BBS4: variants seen among roughly 807,000 people sequenced by gnomAD.
BBS4 encodes the protein BBSome complex member BBS4.
BBS4 carries 58 observed loss-of-function variants against 71.4 expected under a neutral mutation model. The ratio of observed to expected loss-of-function variants is 0.81; its 90% CI spans 0.66 to 1.01. The LOEUF is 1.01. Ranked by LOEUF, BBS4 falls within the 50% of genes least tolerant of loss-of-function variation. The pLI is 0.00. For missense variants in BBS4, 660 were observed against 607.9 expected, an observed-to-expected ratio of 1.09 and a Z score of -0.90; for synonymous variants, 228 against 216.8, an observed-to-expected ratio of 1.05 and a Z score of -0.46.
intron 6 of BBS4, among the ~76,000 whole-genome samples, chr15:72,720,966 A>G (rs1361799185): frequency 6.6e-6 from 1 of 152,238 alleles, no homozygotes; most frequent in Non-Finnish European, 1.5e-5. Context: ...CCTTCAGGAC[A>G]TCTATTTACT....
Position 72,737,974 on chromosome 15 carries a change from A to C in BBS4, c.*387A>C, listed in dbSNP as rs2065960341. The stretch of plus-strand genomic sequence containing the variant: ...CAGCTGAGACAGACCTCTGCTGAGT[A>C]GCTCTGTGATGACAAAGCCTTGGTT... On this transcript the variant is annotated 3_prime_UTR_variant, in exon 16 of 16. Transcript: ENST00000268057. The C allele has an allele frequency of 2.2e-6, 1 of 454,618 alleles. No homozygotes were observed. Among genetic ancestry groups the C allele is most frequent in the Non-Finnish European group, 4.4e-6 (1 of 227,230 alleles). 28.2% of individuals were successfully genotyped at this position (454,618 alleles called of 1,614,324 possible).
chr15:72,736,310 C>T (rs529266805), intron 14 of BBS4, among the ~76,000 whole-genome samples: 1 of 145,716 alleles, frequency 6.9e-6, no homozygotes, highest in East Asian at 2.1e-4. Flanking sequence ...GGCGCAATCT[C>T]AGTTCACTGC....
chr15:72,700,146 G>C (rs1336735096), intron 2 of BBS4, among the ~76,000 whole-genome samples: 1 of 152,042 alleles, frequency 6.6e-6, no homozygotes, highest in Non-Finnish European at 1.5e-5. Flanking sequence ...CACCATATTA[G>C]CCAGGCTGGT....
rs112222903 is a variant in BBS4 at position 72,696,862 on chromosome 15, A to G, written c.76+1634A>G. Among the ~76,000 whole-genome samples the G allele has an allele frequency of 2.5e-3, 388 of 152,212 alleles. 3 individuals carry two copies. The highest frequency in any genetic ancestry group is 8.8e-3 in the African/African-American group (367 of 41,522). Reference sequence around the variant, plus strand: ...ATCTTCGGCCTCCTGAAGTACTGGCATTACAGGCATGAGCTATTGCACCTG... The same window carrying G: ...ATCTTCGGCCTCCTGAAGTACTGGCGTTACAGGCATGAGCTATTGCACCTG... On this transcript the variant is annotated intron_variant, in intron 2 of 15. Transcript: ENST00000268057.
At position 72,736,875 on chromosome 15, in the gene BBS4, A is replaced by ACCTGCCAGTTT; in HGVS notation, c.1365_1375dup (p.Gln459LeufsTer14). 1 of 1,613,574 alleles carries ACCTGCCAGTTT rather than the reference A, an allele frequency of 6.2e-7. No individual in the cohort carries two copies. The highest frequency in any genetic ancestry group is 8.5e-7 in the Non-Finnish European group (1 of 1,179,976). The stretch of plus-strand genomic sequence containing the variant: ...AGCACCAGACCACTTCAACCAGCAA[A>ACCTGCCAGTTT]CCTGCCAGTTTCCAGCAGCCTCTGG... On this transcript the variant is annotated frameshift_variant, in exon 15 of 16. Coordinates refer to ENST00000268057, the MANE Select transcript of BBS4 (RefSeq NM_033028.5). LOFTEE classifies it high-confidence loss of function.
At chr15:72,722,960 A>G (rs1225922440) in intron 7 of BBS4, 113 bp downstream of exon 7, 9 of 871,994 alleles carry the variant, frequency 1.0e-5, no homozygotes, top group South Asian at 8.3e-5. Context: ...GGAACTGAAA[A>G]TTGAAAGTAC....
chr15:72,711,347 C>T (rs938117285), intron 3 of BBS4, among the ~76,000 whole-genome samples: 3 of 151,822 alleles, frequency 2.0e-5, no homozygotes, highest in Admixed American at 1.3e-4. Flanking sequence ...TGGGGTTTTT[C>T]CATGTTGGTC....
chr15:72,698,907 G>A (rs964665850), intron 2 of BBS4, among the ~76,000 whole-genome samples: 17 of 152,030 alleles, frequency 1.1e-4, no homozygotes, highest in Non-Finnish European at 4.4e-5. Flanking sequence ...AGAGTTACAA[G>A]GTAATTTAGT....
In BBS4 at chr15:72,686,225, A is replaced by G. The variant is rs771900208; in HGVS notation, c.-3A>G. 27 of 1,563,496 alleles carry G rather than the reference A, an allele frequency of 1.7e-5. No homozygotes were observed. The highest frequency in any genetic ancestry group is 4.1e-5 in the African/African-American group (3 of 73,752). On this transcript the variant is annotated 5_prime_UTR_variant, in exon 1 of 16. Transcript: ENST00000268057. ...CGGCCGCGCAGCGGTGGGCTGAGCT[A>G]AAATGGCTGAGGAGAGAGTCGCGAC...
chr15:72,708,326 C>T (rs950428657), intron 2 of BBS4, among the ~76,000 whole-genome samples: 45 of 152,202 alleles, frequency 3.0e-4, no homozygotes, highest in African/African-American at 1.0e-3. Context: ...GGGCCCCAAA[C>T]GGAGGGACCG....
At position 72,737,547 on chromosome 15, in the gene BBS4, CAAGTCCAACTGAAACATCAG is replaced by C. The variant is rs2065950136; in HGVS notation, c.1523_1542del (p.Ser508ThrfsTer10). ...CTGGAGCCAGAGCCTGCGGTGGAAT[CAAGTCCAACTGAAACATCAG>C]AACAAATAAGAGAGAAATAAGAATA... On this transcript the variant is annotated frameshift_variant, in exon 16 of 16. Coordinates refer to ENST00000268057, the MANE Select transcript of BBS4 (RefSeq NM_033028.5). LOFTEE classifies it high-confidence loss of function. The C allele has an allele frequency of 6.2e-7, 1 of 1,612,292 alleles. No individual in the cohort carries two copies. Among genetic ancestry groups the C allele is most frequent in the Non-Finnish European group, 8.5e-7 (1 of 1,179,346 alleles).
intron 14 of BBS4, 83 bp from the exon 15 acceptor site, chr15:72,736,679 C>A: frequency 7.3e-7 from 1 of 1,363,052 alleles, no homozygotes; most frequent in South Asian, 1.2e-5. Flanking sequence ...CAGCTAAAAC[C>A]CCAGCTCGAA....
At chr15:72,735,282 T>C in intron 13 of BBS4, 100 bp downstream of exon 13, 1 of 881,572 alleles carries the variant, frequency 1.1e-6, no homozygotes, top group South Asian at 1.4e-5. Flanking sequence ...TCAGCCCAGC[T>C]GTTCCTCTAT....
At position 72,736,404 on chromosome 15, in the gene BBS4, G is replaced by A. The variant is rs182001285; in HGVS notation, c.1249-358G>A. Among the ~76,000 whole-genome samples the A allele has an allele frequency of 5.7e-4, 86 of 152,184 alleles. 1 individual carries two copies. In the East Asian group the frequency reaches 0.016, roughly 28 times the overall value. On this transcript the variant is annotated intron_variant, in intron 14 of 15. Transcript: ENST00000268057. ...CTACAGGCGCGTGCCACCACGCCCAGCTAATTTTTGTATTTTTAGTAGAGA... is the reference window on the plus strand; with the variant it reads ...CTACAGGCGCGTGCCACCACGCCCAACTAATTTTTGTATTTTTAGTAGAGA...
At chr15:72,712,642 G>A (rs150588155) in intron 4 of BBS4, among the ~76,000 whole-genome samples, 18 of 152,276 alleles carry the variant, frequency 1.2e-4, no homozygotes, top group Admixed American at 1.2e-3. Context: ...AAAAGGTACT[G>A]TAAAAATATG....
chr15:72,721,959 A>C (rs1177684715), intron 6 of BBS4, among the ~76,000 whole-genome samples: 1 of 152,142 alleles, frequency 6.6e-6, no homozygotes, highest in Non-Finnish European at 1.5e-5. Context: ...CAAGGTAGCT[A>C]CTCTGCCTTT....
chr15:72,734,907 A>G (rs2065890421), intron 12 of BBS4, among the ~76,000 whole-genome samples: 2 of 152,206 alleles, frequency 1.3e-5, no homozygotes, highest in Non-Finnish European at 2.9e-5. Context: ...AGTGTCAGAA[A>G]AGAAACTGCA....
chr15:72,726,103 CTTCCT>C (rs2065694810), intron 8 of BBS4, among the ~76,000 whole-genome samples: 1 of 119,444 alleles, frequency 8.4e-6, no homozygotes, highest in Non-Finnish European at 2.0e-5. Context: ...TCCTTTCTTC[CTTCCT>C]TTCTTTCCTT....
intron 12 of BBS4, among the ~76,000 whole-genome samples, chr15:72,734,427 T>G (rs2065882258): frequency 6.6e-6 from 1 of 152,052 alleles, no homozygotes; most frequent in Non-Finnish European, 1.5e-5. Context: ...TTGCTGTTAG[T>G]GGGGGTTAGT....
Sources: gnomAD v4.1 joint callset for allele counts (sites outside exome capture counted in the v4.1 genomes callset) on GRCh38, gnomAD v4.1.1 for gene constraint, MANE v1.5 for transcripts, NCBI Gene and HGNC (gene_info 2026-07-23, HGNC 2026-07-21) for gene names.